The following GABRA2 variants were observed in gnomAD, a reference collection of about 807,000 sequenced individuals.
GABRA2 encodes gamma-aminobutyric acid receptor subunit alpha-2.
GABRA2 carries 16 observed loss-of-function variants against 48.7 expected under a neutral mutation model. The observed-to-expected ratio is 0.33, with a 90% CI of 0.22 to 0.50. The LOEUF is 0.50. GABRA2 is among the 20% of genes least tolerant of loss of function. The pLI, the probability that GABRA2 is intolerant of heterozygous loss-of-function variation, is 0.98. For synonymous variants in GABRA2, 185 were observed against 184.5 expected (o/e 1.00, Z -0.02); for missense variants, 275 against 535.6 (o/e 0.51, Z 4.80).
At chr4:46,376,795 C>T (rs71611978) in intron 3 of GABRA2, among the ~76,000 whole-genome samples, 2 of 151,858 alleles carry the variant, frequency 1.3e-5, no homozygotes, top group African/African-American at 2.4e-5. Flanking sequence ...CTCTCCCTCT[C>T]TCCACGGTCT....
At chr4:46,301,746 T>G (rs989719772) in intron 8 of GABRA2, among the ~76,000 whole-genome samples, 1 of 152,202 alleles carries the variant, frequency 6.6e-6, no homozygotes, top group Non-Finnish European at 1.5e-5. Flanking sequence ...TACAAGACCT[T>G]TACCTTATTA....
At chr4:46,294,065 T>C (rs376633505) in intron 8 of GABRA2, among the ~76,000 whole-genome samples, 1 of 152,212 alleles carries the variant, frequency 6.6e-6, no homozygotes. Flanking sequence ...CAGAAGCAAT[T>C]TGCCTTCAGC....
intron 3 of GABRA2, 105 bp from the exon 4 acceptor site, chr4:46,332,787 G>A (rs183677247): frequency 4.7e-5 from 30 of 641,820 alleles, no homozygotes; most frequent in Admixed American, 2.2e-4. Flanking sequence ...TCACAAATTC[G>A]GGAGTACTGG....
rs1725368816 is a variant in GABRA2 at position 46,299,571 on chromosome 4, A to C, written c.856+3889T>G. 6.6e-5 allele frequency among the ~76,000 whole-genome samples: 10 copies of C among 152,126 alleles called. No homozygotes were observed. The South Asian group carries it at 2.1e-3, about 32-fold the overall frequency. ...AAAAGCATATTTCCAAGATTGAAAAAAAAATGTGTTTGTTAAACAGCCAGA... is the reference window on the plus strand; with the variant it reads ...AAAAGCATATTTCCAAGATTGAAAACAAAATGTGTTTGTTAAACAGCCAGA... On this transcript the variant is annotated intron_variant, in intron 8 of 9. Coordinates refer to ENST00000381620, the MANE Select transcript of GABRA2 (RefSeq NM_000807.4).
intron 4 of GABRA2, among the ~76,000 whole-genome samples, 187 bp from the exon 5 acceptor site, chr4:46,312,903 A>G (rs773759510): frequency 6.6e-6 from 1 of 152,076 alleles, no homozygotes; most frequent in Non-Finnish European, 1.5e-5. Flanking sequence ...GGGATAAAGT[A>G]CGTCTGTGTA....
chr4:46,381,692 C>T (rs181591740), intron 3 of GABRA2, among the ~76,000 whole-genome samples: 35 of 152,222 alleles, frequency 2.3e-4, no homozygotes, highest in African/African-American at 7.7e-4. Flanking sequence ...ACTCCTCCTC[C>T]CACTTCACAG....
At chr4:46,328,297 C>CACACGCGTGTGTGTGTGT (rs552233968) in intron 4 of GABRA2, among the ~76,000 whole-genome samples, 11 of 50,450 alleles carry the variant, frequency 2.2e-4, no homozygotes, top group African/African-American at 5.7e-4. Context: ...TGTGTGTGTG[C>CACACGCGTGTGTGTGTGT]GCACACGCAT....
intron 4 of GABRA2, among the ~76,000 whole-genome samples, chr4:46,318,435 A>C (rs1351463305): frequency 1.3e-5 from 2 of 151,558 alleles, no homozygotes; most frequent in East Asian, 3.9e-4. Flanking sequence ...CAATAAAATA[A>C]TATTCTTTGC....
intron 3 of GABRA2, among the ~76,000 whole-genome samples, chr4:46,350,283 T>A (rs1258699919): frequency 6.6e-6 from 1 of 151,946 alleles, no homozygotes; most frequent in African/African-American, 2.4e-5. Flanking sequence ...TCAAACCATG[T>A]ATATGTACTA....
chr4:46,290,332 T>A (rs35759605), intron 8 of GABRA2, among the ~76,000 whole-genome samples: 1,890 of 152,272 alleles, frequency 0.012, 22 homozygotes, highest in South Asian at 0.035. Flanking sequence ...TTTCTACACG[T>A]ATTAAACTGA....
chr4:46,300,195 T>C (rs564756349), intron 8 of GABRA2, among the ~76,000 whole-genome samples: 1 of 152,098 alleles, frequency 6.6e-6, no homozygotes, highest in South Asian at 2.1e-4. Context: ...AAAGCAACTT[T>C]ACTAATTTAA....
At chr4:46,325,428 A>T (rs149118734) in intron 4 of GABRA2, among the ~76,000 whole-genome samples, 149 of 151,534 alleles carry the variant, frequency 9.8e-4, no homozygotes, top group African/African-American at 3.5e-3. Flanking sequence ...TTTTAATGAG[A>T]TTGTTTGTTT....
intron 5 of GABRA2, among the ~76,000 whole-genome samples, chr4:46,310,906 A>G (rs1727538057): frequency 6.6e-6 from 1 of 152,198 alleles, no homozygotes; most frequent in South Asian, 2.1e-4. Flanking sequence ...AAAATTTGAT[A>G]TAATGCAAAC....
chr4:46,389,433 G>A, intron 1 of GABRA2: 1 of 982,430 alleles, frequency 1.0e-6, no homozygotes, highest in Non-Finnish European at 1.2e-6. Flanking sequence ...TGAGGCTCCG[G>A]CAGCAAACAC....
intron 3 of GABRA2, among the ~76,000 whole-genome samples, chr4:46,360,151 T>C (rs1712929282): frequency 6.6e-6 from 1 of 152,186 alleles, no homozygotes; most frequent in South Asian, 2.1e-4. Context: ...AGCATTTTGA[T>C]TGTGGTGATG....
chr4:46,329,376 AT>A (rs1393136131), intron 4 of GABRA2, among the ~76,000 whole-genome samples: 1 of 152,030 alleles, frequency 6.6e-6, no homozygotes, highest in Non-Finnish European at 1.5e-5. Context: ...CTGCATTGTC[AT>A]TTTTTGGCAC....
intron 4 of GABRA2, among the ~76,000 whole-genome samples, chr4:46,313,131 A>C (rs1727940209): frequency 7.0e-6 from 1 of 141,916 alleles, no homozygotes; most frequent in South Asian, 2.1e-4. Flanking sequence ...AAATAAATAA[A>C]TAAATAAATA....
intron 8 of GABRA2, among the ~76,000 whole-genome samples, chr4:46,267,239 GC>G: frequency 1.3e-5 from 2 of 152,100 alleles, no homozygotes; most frequent in Non-Finnish European, 2.9e-5. Flanking sequence ...CTGCTGGTAA[GC>G]CCCTCTAGTG....
chr4:46,259,410 G>C (rs943299045), intron 9 of GABRA2, among the ~76,000 whole-genome samples: 15 of 151,952 alleles, frequency 9.9e-5, no homozygotes, highest in African/African-American at 3.6e-4. Context: ...CAAGCTCACA[G>C]AGCAAGGTAG....
Sources: gnomAD v4.1 joint callset for allele counts (sites outside exome capture counted in the v4.1 genomes callset) on GRCh38, gnomAD v4.1.1 for gene constraint, MANE v1.5 for transcripts, NCBI Gene and HGNC (gene_info 2026-07-23, HGNC 2026-07-21) for gene names.